VPS50: variants seen among roughly 807,000 people sequenced by gnomAD.
VPS50 encodes VPS50 subunit of EARP/GARPII complex, also known as syndetin.
Under a neutral mutation model 139.7 loss-of-function variants are expected in VPS50, and 70 were observed. The observed-to-expected ratio is 0.50, with a 90% confidence interval of 0.41 to 0.61. VPS50 has a LOEUF of 0.61. Among genes scored for constraint, VPS50 ranks in the 20% least tolerant of loss-of-function variants. VPS50 has a pLI of 0.00. For synonymous variants in VPS50, 365 were observed against 376.7 expected (o/e 0.97, Z 0.36); for missense variants, 921 against 1,133.7 (o/e 0.81, Z 2.69).
At chr7:93,277,518 C>G (rs1478227418) in intron 12 of VPS50, among the ~76,000 whole-genome samples, 2 of 152,170 alleles carry the variant, frequency 1.3e-5, no homozygotes, top group African/African-American at 2.4e-5. Context: ...ATTTCTTTGT[C>G]AAACCTGCTG....
chr7:93,326,271 G>A (rs1202850644), intron 21 of VPS50, among the ~76,000 whole-genome samples: 1 of 128,924 alleles, frequency 7.8e-6, no homozygotes, highest in East Asian at 2.3e-4. Context: ...CACAGGAAGG[G>A]GAACATCACA....
intron 1 of VPS50, among the ~76,000 whole-genome samples, chr7:93,238,609 T>G (rs1446675187): frequency 6.6e-6 from 1 of 152,172 alleles, no homozygotes; most frequent in Non-Finnish European, 1.5e-5. Context: ...GAGGTATTGT[T>G]TTGGGAAAAT....
intron 12 of VPS50, among the ~76,000 whole-genome samples, chr7:93,280,896 T>C (rs1796306370): frequency 6.6e-6 from 1 of 152,160 alleles, no homozygotes; most frequent in African/African-American, 2.4e-5. Flanking sequence ...ATACTCTCTC[T>C]GTATATATAT....
intron 2 of VPS50, among the ~76,000 whole-genome samples, chr7:93,247,480 A>AATAAGTTACAAATAGGTTAC (rs1795190937): frequency 6.6e-6 from 1 of 151,960 alleles, no homozygotes; most frequent in South Asian, 2.1e-4. Context: ...TTATATTTGT[A>AATAAGTTACAAATAGGTTAC]ACCCTATTCT....
intron 21 of VPS50, among the ~76,000 whole-genome samples, chr7:93,331,504 G>A (rs1044753817): frequency 1.3e-5 from 2 of 151,762 alleles, no homozygotes; most frequent in African/African-American, 4.8e-5. Flanking sequence ...AGTTTTTTTA[G>A]CAAGTGGTGT....
intron 9 of VPS50, 120 bp downstream of exon 9, chr7:93,259,752 C>T (rs531660425): frequency 3.2e-4 from 173 of 534,816 alleles, no homozygotes; most frequent in African/African-American, 3.1e-3. Context: ...GTTTAACATT[C>T]ATATTTATAT....
At chr7:93,278,909 A>G (rs754650197) in intron 12 of VPS50, among the ~76,000 whole-genome samples, 2 of 152,070 alleles carry the variant, frequency 1.3e-5, no homozygotes, top group Non-Finnish European at 2.9e-5. Context: ...ATATATTATT[A>G]TTTGTCTAAC....
In VPS50 at chr7:93,296,998, T is replaced by C. The variant is rs1584440273; in HGVS notation, c.1263-147T>C. The C allele has an allele frequency of 1.4e-5, 20 of 1,446,576 alleles. No homozygotes were observed. In the South Asian group the frequency reaches 2.9e-4, roughly 21 times the overall value. The allele number at this position is 1,446,576 out of a possible 1,614,324, so 89.6% of individuals were successfully genotyped here. ...AATATTTCTGCCCTTTGGGTGTTTG[T>C]AAACCTTTATGGATTTGTGATCTTT... is the stretch of plus-strand genomic sequence containing the variant. On this transcript the variant is annotated intron_variant, in intron 15 of 27. Transcript: ENST00000305866.
chr7:93,358,062 A>C (rs1798755474), intron 27 of VPS50, among the ~76,000 whole-genome samples: 1 of 152,150 alleles, frequency 6.6e-6, no homozygotes, highest in Non-Finnish European at 1.5e-5. Context: ...TACGCATGTC[A>C]GATTGCTTTG....
At chr7:93,241,833 CAT>C (rs1310741233) in intron 2 of VPS50, among the ~76,000 whole-genome samples, 1 of 151,970 alleles carries the variant, frequency 6.6e-6, no homozygotes, top group Admixed American at 6.6e-5. Context: ...ATACTTAGAT[CAT>C]AACACATATA....
intron 16 of VPS50, among the ~76,000 whole-genome samples, chr7:93,299,920 A>G (rs1430413534): frequency 6.6e-6 from 1 of 152,152 alleles, no homozygotes; most frequent in Non-Finnish European, 1.5e-5. Flanking sequence ...AAAATTAGAG[A>G]GCAATATATA....
intron 20 of VPS50, among the ~76,000 whole-genome samples, chr7:93,318,289 G>T (rs999010251): frequency 3.8e-4 from 58 of 152,126 alleles, no homozygotes; most frequent in African/African-American, 1.4e-3. Context: ...TTGGAGATTT[G>T]GGGGGCTGAG....
At chr7:93,259,408 A>G in intron 8 of VPS50, 142 bp from the exon 9 acceptor site, 1 of 492,662 alleles carries the variant, frequency 2.0e-6, no homozygotes, top group South Asian at 3.8e-5. Flanking sequence ...TTTGTCACTT[A>G]TCTATCATTG....
intron 9 of VPS50, among the ~76,000 whole-genome samples, chr7:93,268,365 T>C (rs1180659659): frequency 6.6e-6 from 1 of 152,136 alleles, no homozygotes; most frequent in Non-Finnish European, 1.5e-5. Flanking sequence ...ATGTGCAGGA[T>C]GTGCATGTCT....
chr7:93,357,906 G>A (rs1798751001), intron 27 of VPS50, among the ~76,000 whole-genome samples: 1 of 151,942 alleles, frequency 6.6e-6, no homozygotes, highest in Admixed American at 6.6e-5. Context: ...TTTAACTAAA[G>A]TGTTTACAAA....
intron 16 of VPS50, among the ~76,000 whole-genome samples, chr7:93,298,666 C>T (rs1056587351): frequency 6.6e-6 from 1 of 152,126 alleles, no homozygotes; most frequent in Non-Finnish European, 1.5e-5. Context: ...TAGCAACTAG[C>T]TAGGGGCATT....
intron 12 of VPS50, among the ~76,000 whole-genome samples, chr7:93,280,224 G>T (rs527893558): frequency 6.6e-6 from 1 of 152,126 alleles, no homozygotes; most frequent in East Asian, 1.9e-4. Context: ...CATGTTTTTA[G>T]AGTGGTTTAA....
At chr7:93,300,883 T>C (rs1425990496) in intron 16 of VPS50, among the ~76,000 whole-genome samples, 1 of 152,140 alleles carries the variant, frequency 6.6e-6, no homozygotes, top group Non-Finnish European at 1.5e-5. Context: ...TTAACATTTT[T>C]AGATATCACA....
intron 12 of VPS50, among the ~76,000 whole-genome samples, chr7:93,284,751 G>T (rs1021776282): frequency 1.3e-5 from 2 of 152,158 alleles, no homozygotes; most frequent in Admixed American, 6.5e-5. Context: ...AACCCTTGGG[G>T]TTTAGATACA....
Sources: allele counts gnomAD v4.1 joint callset (sites outside exome capture counted in the v4.1 genomes callset), GRCh38; gene constraint gnomAD v4.1.1; transcripts MANE v1.5; gene names NCBI Gene and HGNC (gene_info 2026-07-23, HGNC 2026-07-21).